HDAC9: variants seen among roughly 807,000 people sequenced by gnomAD.
The protein encoded by HDAC9 is histone deacetylase 9.
A neutral mutation model predicts 139.4 loss-of-function variants in HDAC9; 41 were observed. The observed-to-expected ratio is 0.29, with a 90% CI of 0.23 to 0.38. HDAC9 has a LOEUF of 0.38. HDAC9 is among the 10% of genes least tolerant of loss of function. The pLI is 1.00. For synonymous variants in HDAC9, 517 were observed against 476.2 expected, an observed-to-expected ratio of 1.09 and a Z score of -1.12; for missense variants, 1,147 against 1,297.0, an observed-to-expected ratio of 0.88 and a Z score of 1.78.
At chr7:18,986,454 T>G (rs1355739275) in intron 25 of HDAC9, among the ~76,000 whole-genome samples, 8 of 101,972 alleles carry the variant, frequency 7.8e-5, no homozygotes, top group African/African-American at 2.6e-4. Context: ...ACCAGTACCA[T>G]GCTGTTTTGG....
chr7:18,390,760 T>A (rs906930416), intron 1 of HDAC9, among the ~76,000 whole-genome samples: 3 of 152,218 alleles, frequency 2.0e-5, no homozygotes, highest in Admixed American at 2.0e-4. Flanking sequence ...CCAGCTTCTC[T>A]GTGAAACAAT....
At chr7:18,257,522 A>C (rs1025345042) in intron 2 of HDAC9, among the ~76,000 whole-genome samples, 2 of 152,058 alleles carry the variant, frequency 1.3e-5, no homozygotes, top group African/African-American at 4.8e-5. Context: ...ATTTTGTATA[A>C]ATAAATGACC....
At chr7:18,945,791 C>A (rs575918970) in intron 23 of HDAC9, among the ~76,000 whole-genome samples, 18 of 151,864 alleles carry the variant, frequency 1.2e-4, no homozygotes, top group African/African-American at 1.9e-4. Context: ...GTAATCCCAG[C>A]ACTTTGGGAG....
intron 2 of HDAC9, among the ~76,000 whole-genome samples, chr7:18,584,993 G>A (rs1030822626): frequency 4.0e-5 from 6 of 151,822 alleles, no homozygotes; most frequent in African/African-American, 1.5e-4. Flanking sequence ...TAAGTTTTAT[G>A]AATGACTGAT....
Position 18,762,246 on chromosome 7 carries a change from C to A in HDAC9, c.2133C>A (p.Asp711Glu). ...TGTTGTATGGCACCAACCCCCTGGA[C>A]GGACAGAAGCTGGACCCCAGGATAC... Reference protein sequence around the residue: ...HSLLYGTNPLDGQKLDPRILL... With the variant: ...HSLLYGTNPLEGQKLDPRILL... The change falls in exon 15 of 26, where the codon GAC (aspartate) becomes GAA (glutamate). Residue 711 changes from aspartate to glutamate, a missense_variant. Coordinates refer to ENST00000686413, the MANE Select transcript of HDAC9 (RefSeq NM_178425.4). 2 of 1,613,576 alleles carry A rather than the reference C, an allele frequency of 1.2e-6. No homozygotes were observed. The highest frequency in any genetic ancestry group is 1.7e-6 in the Non-Finnish European group (2 of 1,179,654).
chr7:18,513,594 T>A (rs191821567), intron 2 of HDAC9, among the ~76,000 whole-genome samples: 2 of 152,310 alleles, frequency 1.3e-5, no homozygotes, highest in Admixed American at 6.5e-5. Context: ...TGTATTTGGC[T>A]GTTCTCAGAA....
intron 2 of HDAC9, among the ~76,000 whole-genome samples, chr7:18,560,909 T>G (rs1469257224): frequency 2.6e-5 from 4 of 152,238 alleles, no homozygotes; most frequent in Middle Eastern, 3.4e-3. Flanking sequence ...TCTGGAAGTT[T>G]GCTTGGACCT....
intron 11 of HDAC9, among the ~76,000 whole-genome samples, chr7:18,649,403 G>C (rs1176154368): frequency 2.0e-5 from 3 of 152,010 alleles, no homozygotes; most frequent in Non-Finnish European, 4.4e-5. Context: ...GCTGTGGTAG[G>C]CTTAAAAAAG....
chr7:18,904,734 C>G (rs1802059710), intron 22 of HDAC9, among the ~76,000 whole-genome samples: 1 of 151,522 alleles, frequency 6.6e-6, no homozygotes, highest in Non-Finnish European at 1.5e-5. Flanking sequence ...CGCCACCACG[C>G]CCGGCTAATT....
intron 12 of HDAC9, among the ~76,000 whole-genome samples, chr7:18,695,256 ATTATG>A (rs769221125): frequency 5.3e-5 from 8 of 152,152 alleles, no homozygotes; most frequent in Non-Finnish European, 1.0e-4. Context: ...AGAAAAGAAT[ATTATG>A]TTATGTCTAT....
At chr7:18,706,678 G>C (rs111712482) in intron 12 of HDAC9, among the ~76,000 whole-genome samples, 1 of 152,256 alleles carries the variant, frequency 6.6e-6, no homozygotes, top group African/African-American at 2.4e-5. Flanking sequence ...ATCACAGTTG[G>C]GGTGGGTTGC....
intron 2 of HDAC9, among the ~76,000 whole-genome samples, chr7:18,572,548 T>C (rs188305934): frequency 6.6e-6 from 1 of 152,154 alleles, no homozygotes; most frequent in East Asian, 2.0e-4. Flanking sequence ...GAAGTGAATT[T>C]ACTTTAGATC....
intron 22 of HDAC9, among the ~76,000 whole-genome samples, chr7:18,915,143 A>G (rs1391336249): frequency 6.6e-6 from 1 of 152,106 alleles, no homozygotes; most frequent in Non-Finnish European, 1.5e-5. Context: ...CAAATGTGGC[A>G]TCTGTCAGGC....
At chr7:18,625,049 AT>A (rs1382870800) in intron 6 of HDAC9, among the ~76,000 whole-genome samples, 2 of 152,098 alleles carry the variant, frequency 1.3e-5, no homozygotes, top group African/African-American at 4.8e-5. Context: ...ATGTCCTCAG[AT>A]CATCACAATG....
chr7:18,174,582 G>T (rs186186249), intron 2 of HDAC9, among the ~76,000 whole-genome samples: 2 of 152,204 alleles, frequency 1.3e-5, no homozygotes, highest in African/African-American at 4.8e-5. Flanking sequence ...CCCTATCTTT[G>T]TGGTTTTATC....
chr7:18,980,324 G>C (rs2129340787), intron 25 of HDAC9, among the ~76,000 whole-genome samples: 1 of 152,278 alleles, frequency 6.6e-6, no homozygotes, highest in Non-Finnish European at 1.5e-5. Context: ...TATAAAATAA[G>C]ATGCATAATT....
At chr7:18,547,392 C>T (rs574793747) in intron 2 of HDAC9, among the ~76,000 whole-genome samples, 4 of 152,290 alleles carry the variant, frequency 2.6e-5, no homozygotes, top group Admixed American at 1.3e-4. Flanking sequence ...CCTGCAACCC[C>T]GCCCGGCTAA....
chr7:18,990,163 T>G (rs1239948897), intron 25 of HDAC9, among the ~76,000 whole-genome samples: 3 of 152,098 alleles, frequency 2.0e-5, no homozygotes, highest in African/African-American at 7.2e-5. Flanking sequence ...TTCTGCTCTG[T>G]TTTTTCCCCA....
chr7:18,551,408 G>T (rs796702937), intron 2 of HDAC9, among the ~76,000 whole-genome samples: 7 of 152,214 alleles, frequency 4.6e-5, no homozygotes, highest in African/African-American at 9.6e-5. Context: ...GGTTACCGAG[G>T]AAGTGACTAT....
Sources: allele counts gnomAD v4.1 joint callset (sites outside exome capture counted in the v4.1 genomes callset), GRCh38; gene constraint gnomAD v4.1.1; transcripts MANE v1.5; gene names NCBI Gene and HGNC (gene_info 2026-07-23, HGNC 2026-07-21).